Variants in CAMK1D observed in about 807,000 individuals in gnomAD.
CAMK1D encodes the protein calcium/calmodulin dependent protein kinase ID.
Under a neutral mutation model 47.7 loss-of-function variants are expected in CAMK1D, and 9 were observed. The ratio of observed to expected loss-of-function variants is 0.19; its 90% CI spans 0.11 to 0.33. The LOEUF is 0.33. CAMK1D is among the 10% of genes least tolerant of loss of function. CAMK1D has a pLI of 1.00. For synonymous variants in CAMK1D, 184 were observed against 184.9 expected, an observed-to-expected ratio of 0.99 and a Z score of 0.04; for missense variants, 291 against 488.7, an observed-to-expected ratio of 0.60 and a Z score of 3.81.
In CAMK1D at chr10:12,584,744, CG is replaced by C. The variant is rs1227405408; in HGVS notation, c.224+31391del. On this transcript the variant is annotated intron_variant, in intron 2 of 10. Coordinates refer to ENST00000619168, the MANE Select transcript of CAMK1D (RefSeq NM_153498.4). ...CTGAGGTGGGAGGGTAGCTTGAGCC[CG>C]GGAGGTCAAAGCTGCAGTGAGCAAT... 3.3e-5 allele frequency among the ~76,000 whole-genome samples: 5 copies of C among 151,980 alleles called. No individual in the cohort carries two copies. In the East Asian group the frequency reaches 9.6e-4, roughly 29 times the overall value.
At chr10:12,688,620 C>A (rs536211988) in intron 3 of CAMK1D, among the ~76,000 whole-genome samples, 2 of 152,222 alleles carry the variant, frequency 1.3e-5, no homozygotes, top group Admixed American at 6.5e-5. Flanking sequence ...CTTTAATTTC[C>A]AAAACGCTGG....
Position 12,832,903 on chromosome 10 carries a change from C to G in CAMK1D, c.*4016C>G, listed in dbSNP as rs1034294569. 1 of 152,410 alleles carries G rather than the reference C, an allele frequency of 6.6e-6. No individual in the cohort carries two copies. The highest frequency in any genetic ancestry group is 2.4e-5 in the African/African-American group (1 of 41,454). 9.4% of individuals were successfully genotyped at this position (152,410 alleles called of 1,614,324 possible). A position where few individuals can be genotyped will look rare whatever the true frequency, so the allele number is the denominator to read the frequency against. ...CGGGCAGATCACAAGGTCAAGAGAT[C>G]AAGACCATTCTGGCCAACATGGTGA... On this transcript the variant is annotated 3_prime_UTR_variant, in exon 11 of 11. Coordinates refer to ENST00000619168, the MANE Select transcript of CAMK1D (RefSeq NM_153498.4).
At chr10:12,513,283 A>C (rs1004267654) in intron 1 of CAMK1D, among the ~76,000 whole-genome samples, 1 of 152,160 alleles carries the variant, frequency 6.6e-6, no homozygotes, top group Non-Finnish European at 1.5e-5. Flanking sequence ...AGGCATGATG[A>C]CAGGCTTTTG....
intron 1 of CAMK1D, among the ~76,000 whole-genome samples, chr10:12,425,701 A>T (rs1206449220): frequency 6.6e-6 from 1 of 152,244 alleles, no homozygotes; most frequent in Admixed American, 6.5e-5. Flanking sequence ...GAGGACAAGG[A>T]TGAATGTCTT....
At chr10:12,588,319 C>T (rs564416949) in intron 2 of CAMK1D, among the ~76,000 whole-genome samples, 316 of 152,198 alleles carry the variant, frequency 2.1e-3, no homozygotes, top group Admixed American at 5.0e-3. Context: ...CCTGCATATT[C>T]GCTGACTGCA....
intron 3 of CAMK1D, among the ~76,000 whole-genome samples, chr10:12,689,823 T>TA (rs1032679295): frequency 1.3e-5 from 2 of 152,098 alleles, no homozygotes; most frequent in Non-Finnish European, 2.9e-5. Flanking sequence ...ATTTATAATT[T>TA]AAAATGTCTT....
intron 2 of CAMK1D, among the ~76,000 whole-genome samples, chr10:12,567,886 T>C (rs1837173468): frequency 6.6e-6 from 1 of 152,164 alleles, no homozygotes. Flanking sequence ...TCAAGATACC[T>C]GGGATTATGT....
chr10:12,739,978 G>C (rs1413636823), intron 3 of CAMK1D, among the ~76,000 whole-genome samples: 9 of 152,194 alleles, frequency 5.9e-5, no homozygotes, highest in Non-Finnish European at 1.3e-4. Context: ...TGAATTGGAC[G>C]ATGGTATTAC....
At chr10:12,544,188 T>C (rs2132251802) in intron 1 of CAMK1D, among the ~76,000 whole-genome samples, 1 of 152,370 alleles carries the variant, frequency 6.6e-6, no homozygotes, top group East Asian at 1.9e-4. Context: ...CATTTCAAGA[T>C]TAAATTTTTA....
intron 2 of CAMK1D, among the ~76,000 whole-genome samples, chr10:12,612,339 C>CT (rs11333936): frequency 0.096 from 11,722 of 121,644 alleles, 1,193 homozygotes; most frequent in African/African-American, 0.25. Flanking sequence ...TAATTAATTA[C>CT]TTTTTTTTTT....
chr10:12,471,383 C>G (rs763240448), intron 1 of CAMK1D, among the ~76,000 whole-genome samples: 1 of 152,194 alleles, frequency 6.6e-6, no homozygotes, highest in Non-Finnish European at 1.5e-5. Context: ...TAAACAGCAC[C>G]TCGTTCAAGG....
intron 5 of CAMK1D, among the ~76,000 whole-genome samples, chr10:12,783,485 G>C (rs1490521382): frequency 6.6e-6 from 1 of 152,184 alleles, no homozygotes; most frequent in Non-Finnish European, 1.5e-5. Context: ...GAGGCTAAGG[G>C]CTTCGCCGTT....
At chr10:12,570,524 A>G (rs1837291090) in intron 2 of CAMK1D, among the ~76,000 whole-genome samples, 1 of 151,856 alleles carries the variant, frequency 6.6e-6, no homozygotes, top group Admixed American at 6.6e-5. Flanking sequence ...CACTAAAAAT[A>G]CAAAAATTAG....
intron 3 of CAMK1D, among the ~76,000 whole-genome samples, chr10:12,738,712 A>AT (rs1420783375): frequency 6.6e-6 from 1 of 152,004 alleles, no homozygotes; most frequent in East Asian, 1.9e-4. Flanking sequence ...CGCACCTGTA[A>AT]TCCCAGCTAC....
chr10:12,395,904 G>A (rs1482182544), intron 1 of CAMK1D, among the ~76,000 whole-genome samples: 1 of 151,680 alleles, frequency 6.6e-6, no homozygotes, highest in Non-Finnish European at 1.5e-5. Context: ...TCCAGCCTGG[G>A]CAACAGAGTG....
intron 1 of CAMK1D, among the ~76,000 whole-genome samples, chr10:12,419,533 C>T (rs1351497167): frequency 6.6e-6 from 1 of 152,036 alleles, no homozygotes; most frequent in Non-Finnish European, 1.5e-5. Context: ...TGAGTCACCG[C>T]TGTGGTTTTC....
chr10:12,387,507 C>T (rs552760309), intron 1 of CAMK1D, among the ~76,000 whole-genome samples: 27 of 131,262 alleles, frequency 2.1e-4, no homozygotes, highest in Non-Finnish European at 3.5e-4. Flanking sequence ...ATGTGTATCT[C>T]GGTTGCTTTT....
intron 1 of CAMK1D, among the ~76,000 whole-genome samples, chr10:12,442,592 G>C (rs1325960586): frequency 2.6e-5 from 4 of 152,186 alleles, no homozygotes; most frequent in African/African-American, 4.8e-5. Flanking sequence ...TCTATACATA[G>C]ACACTGTTTT....
intron 2 of CAMK1D, among the ~76,000 whole-genome samples, chr10:12,650,875 GA>G (rs113754912): frequency 5.3e-5 from 8 of 152,164 alleles, no homozygotes; most frequent in African/African-American, 1.7e-4. Context: ...GATGCATGGG[GA>G]AAAAAACCCA....
Sources: gnomAD v4.1 joint callset for allele counts (sites outside exome capture counted in the v4.1 genomes callset) on GRCh38, gnomAD v4.1.1 for gene constraint, MANE v1.5 for transcripts, NCBI Gene and HGNC (gene_info 2026-07-23, HGNC 2026-07-21) for gene names.